Variants in ZFHX4 observed in about 807,000 individuals in gnomAD.
The protein encoded by ZFHX4 is zinc finger homeobox protein 4.
A neutral mutation model predicts 267.6 loss-of-function variants in ZFHX4; 56 were observed. The observed-to-expected ratio is 0.21, with a 90% CI of 0.17 to 0.26. The LOEUF is 0.26. Ranked by LOEUF, ZFHX4 falls within the 10% of genes least tolerant of loss-of-function variation. The pLI, the probability that ZFHX4 is intolerant of heterozygous loss-of-function variation, is 1.00. For synonymous variants in ZFHX4, 1,778 were observed against 1,665.6 expected, an observed-to-expected ratio of 1.07 and a Z score of -1.64; for missense variants, 4,332 against 4,420.0, an observed-to-expected ratio of 0.98 and a Z score of 0.56.
chr8:76,740,296 G>A (rs1809281486), intron 3 of ZFHX4, among the ~76,000 whole-genome samples: 1 of 151,354 alleles, frequency 6.6e-6, no homozygotes. Flanking sequence ...GAAAGGAGTA[G>A]GAGATAGGAG....
At position 76,865,649 on chromosome 8, in the gene ZFHX4, A is replaced by G. The variant is rs1813007179; in HGVS notation, c.*1084A>G. ...TTGAAACTGTTTAAGTACAAGTTGAACAAAAATTATGAAAAGGTATATTTG... is the reference window on the plus strand; with the variant it reads ...TTGAAACTGTTTAAGTACAAGTTGAGCAAAAATTATGAAAAGGTATATTTG... On this transcript the variant is annotated 3_prime_UTR_variant, in exon 11 of 11. Transcript: ENST00000651372. 1 of 152,610 alleles carries G rather than the reference A, an allele frequency of 6.6e-6. No homozygotes were observed. Among genetic ancestry groups the G allele is most frequent in the Non-Finnish European group, 1.5e-5 (1 of 68,034 alleles). 9.5% of individuals were successfully genotyped at this position (152,610 alleles called of 1,614,324 possible). A position where few individuals can be genotyped will look rare whatever the true frequency, so the allele number is the denominator to read the frequency against.
intron 5 of ZFHX4, among the ~76,000 whole-genome samples, chr8:76,835,219 G>GTATATATATATATATATA (rs773901442): frequency 1.3e-5 from 1 of 76,112 alleles, no homozygotes; most frequent in African/African-American, 6.0e-5. Flanking sequence ...GTATATATAT[G>GTATATATATATATATATA]TATATATATA....
intron 3 of ZFHX4, among the ~76,000 whole-genome samples, chr8:76,722,291 T>C (rs59989161): frequency 0.052 from 7,884 of 152,128 alleles, 425 homozygotes; most frequent in East Asian, 0.24. Context: ...GCTAAAAGAT[T>C]CTCTGCATCA....
intron 3 of ZFHX4, among the ~76,000 whole-genome samples, chr8:76,763,103 C>A (rs779280994): frequency 2.6e-5 from 4 of 152,146 alleles, no homozygotes; most frequent in Non-Finnish European, 4.4e-5. Flanking sequence ...GGAAGAGACA[C>A]CATTGTCATT....
At chr8:76,734,016 C>T (rs150387329) in intron 3 of ZFHX4, among the ~76,000 whole-genome samples, 3 of 152,036 alleles carry the variant, frequency 2.0e-5, no homozygotes, top group South Asian at 2.1e-4. Flanking sequence ...TAAAGTACAT[C>T]GGGACTTGTT....
intron 3 of ZFHX4, among the ~76,000 whole-genome samples, chr8:76,731,104 G>T (rs576994229): frequency 5.3e-5 from 8 of 152,226 alleles, no homozygotes; most frequent in Non-Finnish European, 1.0e-4. Flanking sequence ...TACCCATCTG[G>T]GGCCCATACA....
At chr8:76,823,991 T>C (rs915093269) in intron 4 of ZFHX4, among the ~76,000 whole-genome samples, 1 of 152,226 alleles carries the variant, frequency 6.6e-6, no homozygotes, top group African/African-American at 2.4e-5. Context: ...GAGATGGTGA[T>C]AGCAACTTAC....
chr8:76,681,495 T>C lies in ZFHX4; in HGVS notation c.-172T>C. The C allele has an allele frequency of 2.5e-6, 1 of 398,658 alleles. No homozygotes were observed. The highest frequency in any genetic ancestry group is 4.4e-6 in the Non-Finnish European group (1 of 226,008). 24.7% of individuals were successfully genotyped at this position (398,658 alleles called of 1,614,324 possible). A position where few individuals can be genotyped will look rare whatever the true frequency, so the allele number is the denominator to read the frequency against. On this transcript the variant is annotated 5_prime_UTR_variant, in exon 1 of 11. Transcript: ENST00000651372. The stretch of plus-strand genomic sequence containing the variant: ...TTCACCCAATAAAGTTCGAGGATTA[T>C]TTTTTATTTTTTTTGTTTTTTTAAT...
chr8:76,752,407 C>T (rs1372536676), intron 3 of ZFHX4, among the ~76,000 whole-genome samples: 5 of 146,032 alleles, frequency 3.4e-5, no homozygotes, highest in South Asian at 2.2e-4. Context: ...TTTGGGAGAC[C>T]GAGGCAGGCA....
At chr8:76,839,824 C>T (rs565613177) in intron 5 of ZFHX4, among the ~76,000 whole-genome samples, 1 of 152,102 alleles carries the variant, frequency 6.6e-6, no homozygotes, top group Non-Finnish European at 1.5e-5. Flanking sequence ...ATACGTGGTG[C>T]TTGAAAGTTA....
chr8:76,718,563 G>A (rs1436981466), intron 3 of ZFHX4, among the ~76,000 whole-genome samples: 2 of 152,036 alleles, frequency 1.3e-5, no homozygotes, highest in Admixed American at 6.6e-5. Context: ...TTAAAAATAG[G>A]TGCAAGGGGA....
chr8:76,683,621 G>C (rs1807609558), intron 1 of ZFHX4, among the ~76,000 whole-genome samples: 1 of 149,278 alleles, frequency 6.7e-6, no homozygotes, highest in Non-Finnish European at 1.5e-5. Context: ...GAGAGACAGA[G>C]AGGAGAGAGG....
At chr8:76,836,965 T>G (rs535564853) in intron 5 of ZFHX4, among the ~76,000 whole-genome samples, 1 of 152,250 alleles carries the variant, frequency 6.6e-6, no homozygotes, top group Admixed American at 6.5e-5. Context: ...GGGATGACTC[T>G]TGCTTGTGCT....
chr8:76,686,937 T>A (rs986164598), intron 1 of ZFHX4, among the ~76,000 whole-genome samples: 1 of 151,328 alleles, frequency 6.6e-6, no homozygotes, highest in Non-Finnish European at 1.5e-5. Context: ...AGGGAGAGGG[T>A]TTCCCCCCCT....
At chr8:76,725,103 A>G (rs909269426) in intron 3 of ZFHX4, among the ~76,000 whole-genome samples, 13 of 152,106 alleles carry the variant, frequency 8.5e-5, no homozygotes, top group African/African-American at 3.1e-4. Flanking sequence ...TGTATGTTCT[A>G]TAATTGGACA....
At chr8:76,821,855 A>G (rs1811657011) in intron 4 of ZFHX4, among the ~76,000 whole-genome samples, 1 of 152,140 alleles carries the variant, frequency 6.6e-6, no homozygotes, top group African/African-American at 2.4e-5. Flanking sequence ...TGCCTTTTGT[A>G]GGAGTGAATC....
At chr8:76,726,746 C>A (rs1200470777) in intron 3 of ZFHX4, among the ~76,000 whole-genome samples, 3 of 152,088 alleles carry the variant, frequency 2.0e-5, no homozygotes, top group Non-Finnish European at 4.4e-5. Flanking sequence ...AAATATCTTC[C>A]TTGACTATGA....
chr8:76,859,489 A>G (rs1586021564), intron 10 of ZFHX4, among the ~76,000 whole-genome samples: 1 of 152,144 alleles, frequency 6.6e-6, no homozygotes, highest in Admixed American at 6.5e-5. Flanking sequence ...TTTATCCTTT[A>G]GAGTGTTAGC....
At position 76,864,630 on chromosome 8, in the gene ZFHX4, T is replaced by C; in HGVS notation, c.*65T>C. 2 of 1,229,228 alleles carry C rather than the reference T, an allele frequency of 1.6e-6. No individual in the cohort carries two copies. Among genetic ancestry groups the C allele is most frequent in the Non-Finnish European group, 2.2e-6 (2 of 916,446 alleles). The allele number at this position is 1,229,228 out of a possible 1,614,324, so 76.1% of individuals were successfully genotyped here. ...AAAAAAATAAAAAAAAAATAAGACT[T>C]TAACTGCAGTTCCAAAGCTTCTCTA... On this transcript the variant is annotated 3_prime_UTR_variant, in exon 11 of 11. Coordinates refer to ENST00000651372, the MANE Select transcript of ZFHX4 (RefSeq NM_024721.5).
Sources: gnomAD v4.1 joint callset for allele counts (sites outside exome capture counted in the v4.1 genomes callset) on GRCh38, gnomAD v4.1.1 for gene constraint, MANE v1.5 for transcripts, NCBI Gene and HGNC (gene_info 2026-07-23, HGNC 2026-07-21) for gene names.